DOCK9: variants seen among roughly 807,000 people sequenced by gnomAD.
DOCK9 encodes dedicator of cytokinesis protein 9.
Under a neutral mutation model 263.3 loss-of-function variants are expected in DOCK9, and 89 were observed. The ratio of observed to expected loss-of-function variants is 0.34; its 90% CI spans 0.28 to 0.40. DOCK9 has a LOEUF of 0.40. Ranked by LOEUF, DOCK9 falls within the 10% of genes least tolerant of loss-of-function variation. DOCK9 has a pLI of 1.00. For synonymous variants in DOCK9, 976 were observed against 973.1 expected, an observed-to-expected ratio of 1.00 and a Z score of -0.06; for missense variants, 2,140 against 2,603.4, an observed-to-expected ratio of 0.82 and a Z score of 3.87.
At chr13:98,934,097 G>T (rs2054424588) in intron 2 of DOCK9, among the ~76,000 whole-genome samples, 2 of 151,636 alleles carry the variant, frequency 1.3e-5, no homozygotes, top group African/African-American at 4.8e-5. Context: ...GGGGCGGGGG[G>T]TCTCACCATT....
rs2053665565 is a variant in DOCK9, at chr13:98,930,112, A to G, written c.333+56T>C. 9.0e-6 allele frequency: 13 copies of G among 1,451,432 alleles called. 1 individual carries two copies. The South Asian group carries it at 1.6e-4, about 18-fold the overall frequency. 89.9% of individuals were successfully genotyped at this position (1,451,432 alleles called of 1,614,324 possible). A position where few individuals can be genotyped will look rare whatever the true frequency, so the allele number is the denominator to read the frequency against. On this transcript the variant is annotated intron_variant, in intron 3 of 52. Coordinates refer to ENST00000682017, the MANE Select transcript of DOCK9 (RefSeq NM_001366683.2). ...ACAATTTTGAAATTTAAAGAAAAGGAGGCAGTTAGGGGAAAATGACTTCAA... is the reference window on the plus strand; with the variant it reads ...ACAATTTTGAAATTTAAAGAAAAGGGGGCAGTTAGGGGAAAATGACTTCAA...
chr13:98,837,690 T>C (rs2093056926), intron 38 of DOCK9, 81 bp from the exon 39 acceptor site: 8 of 780,942 alleles, frequency 1.0e-5, no homozygotes, highest in African/African-American at 1.9e-5. Context: ...CAGTCAACTT[T>C]TGATTATTCA....
intron 2 of DOCK9, among the ~76,000 whole-genome samples, chr13:98,945,757 A>G (rs2056620081): frequency 6.6e-6 from 1 of 152,218 alleles, no homozygotes; most frequent in Non-Finnish European, 1.5e-5. Context: ...TTTATTGAAT[A>G]TCTACCACTT....
rs148475816 is a variant in DOCK9 at position 98,999,504 on chromosome 13, T to C, written c.130-43953A>G. Among the ~76,000 whole-genome samples, 45 of 152,354 alleles carry C rather than the reference T, an allele frequency of 3.0e-4. 1 individual carries two copies. The East Asian group carries it at 7.7e-3, about 26-fold the overall frequency. On this transcript the variant is annotated intron_variant, in intron 1 of 32. Coordinates refer to the DOCK9 transcript ENST00000427887. ...TCTGGCCTTCTCCTGAATTCTCCAG[T>C]TGCCTGATTTGAGCCAAGTCCTGCG...
chr13:98,796,453 C>G (rs1020573877), intron 52 of DOCK9, among the ~76,000 whole-genome samples: 1 of 152,050 alleles, frequency 6.6e-6, no homozygotes, highest in South Asian at 2.1e-4. Flanking sequence ...TGAGACAGAC[C>G]CCTCACAAAA....
intron 4 of DOCK9, among the ~76,000 whole-genome samples, chr13:98,923,728 C>G (rs2052457277): frequency 6.6e-6 from 1 of 152,158 alleles, no homozygotes; most frequent in Admixed American, 6.5e-5. Context: ...TGCGTTGAAA[C>G]CGATTAACAA....
intron 13 of DOCK9, among the ~76,000 whole-genome samples, chr13:98,899,052 A>ATTTTT (rs71683157): frequency 1.4e-5 from 2 of 140,392 alleles, no homozygotes; most frequent in Non-Finnish European, 1.5e-5. Context: ...ACATTACTTA[A>ATTTTT]TTTTTTTTTT....
intron 50 of DOCK9, among the ~76,000 whole-genome samples, chr13:98,798,505 G>A (rs1462636533): frequency 6.6e-6 from 1 of 151,632 alleles, no homozygotes; most frequent in African/African-American, 2.4e-5. Context: ...GGTGCGTGGG[G>A]GGAACTGTAT....
At chr13:98,979,208 TAGTAGTAGTAGTAGTAGTAGTAGC>T (rs1483709827), upstream of DOCK9, among the ~76,000 whole-genome samples, 84 of 127,686 alleles carry the variant, frequency 6.6e-4, no homozygotes, top group African/African-American at 2.5e-3. Flanking sequence ...GTAGTAGTAG[TAGTAGTAGTAGTAGTAGTAGTAGC>T]AGCAGCGGCG....
intron 1 of DOCK9, among the ~76,000 whole-genome samples, chr13:99,027,486 C>T (rs546398274): frequency 2.0e-5 from 3 of 152,254 alleles, no homozygotes; most frequent in Admixed American, 6.5e-5. Context: ...TGGAGTGCTA[C>T]CGAGAAATCA....
At chr13:99,026,384 G>A (rs557287016) in intron 1 of DOCK9, among the ~76,000 whole-genome samples, 24 of 152,232 alleles carry the variant, frequency 1.6e-4, no homozygotes, top group Middle Eastern at 3.4e-3. Context: ...TTTCAATACC[G>A]TTATCTTTCC....
At position 99,006,339 on chromosome 13, in the gene DOCK9, C is replaced by T. The variant is rs557106946; in HGVS notation, c.130-50788G>A. Reference sequence around the variant, plus strand: ...ATAGGCCTTTAAAAAATTCATTCTTCGCAAGTTCACTTTTATAAATCTAGC... The same window carrying T: ...ATAGGCCTTTAAAAAATTCATTCTTTGCAAGTTCACTTTTATAAATCTAGC... On this transcript the variant is annotated intron_variant, in intron 1 of 32. Transcript: ENST00000427887. Among the ~76,000 whole-genome samples the T allele has an allele frequency of 6.6e-5, 10 of 152,270 alleles. No homozygotes were observed. In the South Asian group the frequency reaches 1.7e-3, roughly 25 times the overall value.
In DOCK9 at chr13:99,015,109, G is replaced by A. The variant is rs184712629; in HGVS notation, c.130-59558C>T. ...AAATAATTCACTATAACTGGGAGAC[G>A]GTTCACATATATAATACCCTAAATA... is the stretch of plus-strand genomic sequence containing the variant. On this transcript the variant is annotated intron_variant, in intron 1 of 32. Transcript: ENST00000427887. Among the ~76,000 whole-genome samples the A allele has an allele frequency of 2.7e-4, 41 of 152,222 alleles. No homozygotes were observed. The East Asian group carries it at 2.9e-3, about 11-fold the overall frequency.
intron 7 of DOCK9, among the ~76,000 whole-genome samples, chr13:98,918,910 G>A (rs1175148083): frequency 1.3e-5 from 2 of 152,138 alleles, no homozygotes; most frequent in Admixed American, 6.5e-5. Context: ...AATTCATCCA[G>A]ACTAGAGGCC....
chr13:98,999,316 A>ACACACACACACACACACACACTCTCTCT, intron 1 of DOCK9, among the ~76,000 whole-genome samples: 117 of 138,352 alleles, frequency 8.5e-4, no homozygotes, highest in Middle Eastern at 3.9e-3. Context: ...ACACACACAC[A>ACACACACACACACACACACACTCTCTCT]CTCTCTCTCT....
intron 2 of DOCK9, among the ~76,000 whole-genome samples, chr13:98,940,341 G>A (rs7985813): frequency 0.66 from 100,658 of 152,104 alleles, 34,209 homozygotes; most frequent in Middle Eastern, 0.76. Context: ...GTTTCTGGAA[G>A]GGATTTAATG....
intron 37 of DOCK9, chr13:98,847,591 C>T (rs2093428332): frequency 6.6e-6 from 1 of 151,972 alleles, no homozygotes; most frequent in African/African-American, 2.4e-5. Context: ...TCTCAAATAT[C>T]CCCAGAAAAG....
intron 3 of DOCK9, among the ~76,000 whole-genome samples, chr13:98,926,290 C>T (rs141024583): frequency 2.7e-3 from 410 of 152,254 alleles, no homozygotes; most frequent in African/African-American, 9.2e-3. Flanking sequence ...GAATAGGATG[C>T]GTGAACTTAA....
chr13:98,946,638 C>T (rs1373819945), intron 2 of DOCK9, among the ~76,000 whole-genome samples: 1 of 152,224 alleles, frequency 6.6e-6, no homozygotes. Context: ...TATCTTCGAT[C>T]TCTTCTCCAT....
Sources: gnomAD v4.1 joint callset for allele counts (sites outside exome capture counted in the v4.1 genomes callset) on GRCh38, gnomAD v4.1.1 for gene constraint, MANE v1.5 for transcripts, NCBI Gene and HGNC (gene_info 2026-07-23, HGNC 2026-07-21) for gene names.